DNAJB4: variants seen among roughly 807,000 people sequenced by gnomAD.
DNAJB4 encodes the protein dnaJ homolog subfamily B member 4.
A neutral mutation model predicts 26.6 loss-of-function variants in DNAJB4; 10 were observed. The observed-to-expected ratio is 0.38, with a 90% CI of 0.23 to 0.64. The LOEUF (loss-of-function observed/expected upper bound fraction) is 0.64, where lower values mean the gene tolerates loss of function less well. DNAJB4 is among the 30% of genes least tolerant of loss of function. DNAJB4 has a pLI of 0.58. For synonymous variants in DNAJB4, 136 were observed against 134.8 expected (o/e 1.01, Z -0.06); for missense variants, 328 against 408.2 (o/e 0.80, Z 1.69).
intron 1 of DNAJB4, among the ~76,000 whole-genome samples, chr1:78,011,922 T>C (rs1433165312): frequency 6.7e-6 from 1 of 148,980 alleles, no homozygotes; most frequent in Non-Finnish European, 1.5e-5. Flanking sequence ...TTTTATATTT[T>C]GCTATATATT....
intron 1 of DNAJB4, among the ~76,000 whole-genome samples, chr1:77,992,509 C>G (rs1007950971): frequency 9.9e-5 from 15 of 150,806 alleles, no homozygotes; most frequent in Non-Finnish European, 1.9e-4. Context: ...TCATTTATGA[C>G]CAGGACCGAT....
chr1:77,988,436 A>G (rs1296333987), intron 1 of DNAJB4, among the ~76,000 whole-genome samples: 1 of 152,176 alleles, frequency 6.6e-6, no homozygotes, highest in Non-Finnish European at 1.5e-5. Flanking sequence ...CTCAGAATGT[A>G]AGTCAAAGTC....
chr1:78,010,518 T>C (rs1180121333), intron 1 of DNAJB4, among the ~76,000 whole-genome samples: 1 of 152,206 alleles, frequency 6.6e-6, no homozygotes, highest in Non-Finnish European at 1.5e-5. Context: ...TACAAGGAAT[T>C]TCCCTAACTG....
rs1273627914 is a variant in DNAJB4 at position 78,007,040 on chromosome 1, T to C, written c.211+1719T>C. ...TCACCAAATGATACATTTTTCTTGA[T>C]TTAACATTATCTCTTAATAGTGCTT... On this transcript the variant is annotated intron_variant, in intron 1 of 2. Transcript: ENST00000370763. Among the ~76,000 whole-genome samples, 4 of 152,214 alleles carry C rather than the reference T, an allele frequency of 2.6e-5. No homozygotes were observed. The East Asian group carries it at 7.7e-4, about 29-fold the overall frequency.
chr1:77,996,345 A>C (rs1471014974), intron 1 of DNAJB4, among the ~76,000 whole-genome samples: 2 of 151,892 alleles, frequency 1.3e-5, no homozygotes, highest in East Asian at 3.9e-4. Context: ...GTAGGGATGG[A>C]ATTCTCACTT....
chr1:78,014,950 A>G (rs999833417), intron 2 of DNAJB4, among the ~76,000 whole-genome samples: 1 of 152,176 alleles, frequency 6.6e-6, no homozygotes, highest in Admixed American at 6.5e-5. Flanking sequence ...TCTATGGAAC[A>G]CTATTGTTTC....
chr1:78,015,550 C>CTT (rs766899519), intron 2 of DNAJB4, among the ~76,000 whole-genome samples: 2,786 of 57,762 alleles, frequency 0.048, 87 homozygotes, highest in Middle Eastern at 0.083. Context: ...TTTCTTTCTT[C>CTT]TTTTTTTTTT....
chr1:77,981,257 T>G (rs1659634230), intron 1 of DNAJB4: 1 of 151,784 alleles, frequency 6.6e-6, no homozygotes, highest in Non-Finnish European at 1.5e-5. Flanking sequence ...CCTCCCAGGT[T>G]CAAGAGATTC....
intron 1 of DNAJB4, among the ~76,000 whole-genome samples, chr1:77,983,256 T>G (rs1011744265): frequency 2.6e-5 from 4 of 152,230 alleles, no homozygotes; most frequent in African/African-American, 7.2e-5. Flanking sequence ...CCTCCAGCCC[T>G]AAGGCGGTTT....
upstream of DNAJB4, chr1:78,004,299 T>A (rs1037719613): frequency 1.3e-5 from 2 of 152,232 alleles, no homozygotes; most frequent in Non-Finnish European, 2.9e-5. Context: ...AACTATGAAC[T>A]CATGTATACT....
chr1:77,983,775 C>A (rs1336504695), intron 1 of DNAJB4, among the ~76,000 whole-genome samples: 1 of 152,156 alleles, frequency 6.6e-6, no homozygotes, highest in Non-Finnish European at 1.5e-5. Context: ...AATGGAGTCT[C>A]CTATGTCTAC....
chr1:78,014,207 A>G (rs1186155878), intron 2 of DNAJB4, among the ~76,000 whole-genome samples: 1 of 151,360 alleles, frequency 6.6e-6, no homozygotes, highest in African/African-American at 2.4e-5. Context: ...CTCCGGGTTC[A>G]AGTGATTCTC....
At chr1:77,981,489 T>G (rs1419102028) in intron 1 of DNAJB4, among the ~76,000 whole-genome samples, 1 of 152,146 alleles carries the variant, frequency 6.6e-6, no homozygotes, top group Non-Finnish European at 1.5e-5. Flanking sequence ...GATTTTTGTA[T>G]TTTTAGTAGA....
intron 1 of DNAJB4, among the ~76,000 whole-genome samples, chr1:78,006,956 T>C (rs1342045515): frequency 6.6e-6 from 1 of 152,256 alleles, no homozygotes; most frequent in Non-Finnish European, 1.5e-5. Context: ...AGCTCAAGTT[T>C]GTGGCTAAGC....
chr1:77,986,373 T>TA (rs1372294019), intron 1 of DNAJB4, among the ~76,000 whole-genome samples: 1 of 152,196 alleles, frequency 6.6e-6, no homozygotes, highest in Non-Finnish European at 1.5e-5. Context: ...ACTCAAACAA[T>TA]AAAAATCTTC....
chr1:78,009,766 C>T (rs759517400), intron 1 of DNAJB4, among the ~76,000 whole-genome samples: 3 of 152,084 alleles, frequency 2.0e-5, no homozygotes, highest in Non-Finnish European at 4.4e-5. Flanking sequence ...GCTGGGATTA[C>T]AGGCGTGCGC....
upstream of DNAJB4, among the ~76,000 whole-genome samples, chr1:78,001,077 G>T (rs1229508326): frequency 6.6e-6 from 1 of 152,076 alleles, no homozygotes; most frequent in African/African-American, 2.4e-5. Context: ...AAGCACCCTG[G>T]TTTATGCCTG....
At chr1:77,993,445 C>T (rs993367198) in intron 1 of DNAJB4, among the ~76,000 whole-genome samples, 1 of 152,088 alleles carries the variant, frequency 6.6e-6, no homozygotes, top group Non-Finnish European at 1.5e-5. Context: ...TCCCAAGTAG[C>T]TGGGACTACA....
chr1:78,005,577 A>G (rs1016720383), intron 1 of DNAJB4, among the ~76,000 whole-genome samples: 2 of 152,176 alleles, frequency 1.3e-5, no homozygotes, highest in African/African-American at 4.8e-5. Flanking sequence ...TATTATACAT[A>G]TTTTATCATT....
Sources: gnomAD v4.1 joint callset for allele counts (sites outside exome capture counted in the v4.1 genomes callset) on GRCh38, gnomAD v4.1.1 for gene constraint, MANE v1.5 for transcripts, NCBI Gene and HGNC (gene_info 2026-07-23, HGNC 2026-07-21) for gene names.